Variants in ZNF385C observed in about 807,000 individuals in gnomAD.
ZNF385C encodes the protein CTD-2132N18.2.
Under a neutral mutation model 35.4 loss-of-function variants are expected in ZNF385C, and 28 were observed. That is an observed-to-expected ratio of 0.79 (90% confidence interval 0.59 to 1.08). The LOEUF (loss-of-function observed/expected upper bound fraction) is 1.08. Among genes scored for constraint, ZNF385C ranks in the 50% least tolerant of loss-of-function variants. ZNF385C has a pLI of 0.00. For missense variants in ZNF385C, 605 were observed against 595.6 expected (o/e 1.02, Z -0.16); for synonymous variants, 248 against 248.2 (o/e 1.00, Z 0.01).
chr17:42,090,218 G>A (rs985046995), intron 1 of ZNF385C, among the ~76,000 whole-genome samples: 40 of 148,672 alleles, frequency 2.7e-4, no homozygotes, highest in African/African-American at 9.0e-4. Context: ...TCTGAAAGAC[G>A]CCTTCCTGCA....
At chr17:42,076,848 A>G (rs2053691702) in intron 1 of ZNF385C, among the ~76,000 whole-genome samples, 1 of 152,162 alleles carries the variant, frequency 6.6e-6, no homozygotes, top group South Asian at 2.1e-4. Context: ...AGAACAAATG[A>G]AAAAGCTCTT....
intron 2 of ZNF385C, among the ~76,000 whole-genome samples, chr17:42,056,923 C>T (rs2143807278): frequency 6.6e-6 from 1 of 152,214 alleles, no homozygotes; most frequent in East Asian, 1.9e-4. Flanking sequence ...ATGTCTTTAT[C>T]AGCAGCATGA....
rs536895045 is a variant in ZNF385C, at chr17:42,054,824, C to A, written c.250+7983G>T. Among the ~76,000 whole-genome samples the A allele has an allele frequency of 1.3e-4, 20 of 152,174 alleles. No individual in the cohort carries two copies. In the East Asian group the frequency reaches 3.9e-3, roughly 29 times the overall value. On this transcript the variant is annotated intron_variant, in intron 2 of 8. Transcript: ENST00000692273. ...CTCGAACTCCTGACCTCAAATGATC[C>A]ACCTGCCTTGGCCTCCCAAAGTGTT...
At chr17:42,091,631 G>T (rs1445767421) in intron 1 of ZNF385C, among the ~76,000 whole-genome samples, 1 of 152,116 alleles carries the variant, frequency 6.6e-6, no homozygotes, top group Non-Finnish European at 1.5e-5. Flanking sequence ...GAAACTTCCT[G>T]ATCCCCCCTC....
At chr17:42,064,652 T>A (rs372597997) in intron 1 of ZNF385C, among the ~76,000 whole-genome samples, 1 of 151,036 alleles carries the variant, frequency 6.6e-6, no homozygotes, top group African/African-American at 2.4e-5. Context: ...CTCCACCTCC[T>A]GGGTTCAAGT....
At chr17:42,089,787 G>C (rs1459434014) in intron 1 of ZNF385C, among the ~76,000 whole-genome samples, 1 of 152,100 alleles carries the variant, frequency 6.6e-6, no homozygotes, top group Non-Finnish European at 1.5e-5. Context: ...GTACGGAATC[G>C]ATGCCGATGA....
At chr17:42,035,950 A>G (rs2052847421) in intron 3 of ZNF385C, among the ~76,000 whole-genome samples, 1 of 151,992 alleles carries the variant, frequency 6.6e-6, no homozygotes, top group African/African-American at 2.4e-5. Context: ...AGGTTCCCCA[A>G]GGAGTAGGAT....
chr17:42,028,275 C>A, intron 6 of ZNF385C, 29 bp from the exon 7 acceptor site: 1 of 1,513,644 alleles, frequency 6.6e-7, no homozygotes, highest in Non-Finnish European at 8.8e-7. Context: ...AGTCTCTCAG[C>A]AGCAGGAAGG....
intron 1 of ZNF385C, among the ~76,000 whole-genome samples, chr17:42,072,849 C>T (rs1555658984): frequency 6.6e-6 from 1 of 152,154 alleles, no homozygotes; most frequent in East Asian, 1.9e-4. Flanking sequence ...GGGTGAGTAT[C>T]CCGCCTACCC....
intron 1 of ZNF385C, among the ~76,000 whole-genome samples, chr17:42,079,464 G>A (rs2053724651): frequency 6.7e-6 from 1 of 149,850 alleles, no homozygotes; most frequent in Admixed American, 6.7e-5. Context: ...TGAGGCAGGA[G>A]GATCACTTGA....
In ZNF385C at chr17:42,029,048, A is replaced by C; in HGVS notation, c.702T>G (p.Pro234=). 1 of 1,549,760 alleles carries C rather than the reference A, an allele frequency of 6.5e-7. No homozygotes were observed. The highest frequency in any genetic ancestry group is 8.7e-7 in the Non-Finnish European group (1 of 1,146,740). ...SKVPAAPPLG[P]PLQPPPTPDP... ...CTGGAGTTGGTGGTGGCTGGAGTGGAGGCCCAAGAGGAGGGGCTGCAGGAA... is the reference window on the plus strand; with the variant it reads ...CTGGAGTTGGTGGTGGCTGGAGTGGCGGCCCAAGAGGAGGGGCTGCAGGAA... The change falls in exon 6 of 9, where the codon CCT becomes CCG. Residue 234 remains proline, a synonymous_variant. Transcript: ENST00000692273.
At chr17:42,041,165 T>G (rs2053010327) in intron 2 of ZNF385C, 1 of 1,232,238 alleles carries the variant, frequency 8.1e-7, no homozygotes, top group Admixed American at 4.2e-5. Flanking sequence ...CAGGCCTCTG[T>G]GTGCAAGACA....
At chr17:42,057,112 G>A (rs1421347999) in intron 2 of ZNF385C, among the ~76,000 whole-genome samples, 1 of 152,102 alleles carries the variant, frequency 6.6e-6, no homozygotes, top group Non-Finnish European at 1.5e-5. Flanking sequence ...TCCAGCCTGG[G>A]CAACAGAACA....
chr17:42,039,572 G>T, intron 2 of ZNF385C: 1 of 820,254 alleles, frequency 1.2e-6, no homozygotes, highest in Non-Finnish European at 1.6e-6. Context: ...CTCCAGAAGG[G>T]CGGGTGGATG....
At chr17:42,045,887 T>A (rs1182218033) in intron 2 of ZNF385C, among the ~76,000 whole-genome samples, 1 of 152,190 alleles carries the variant, frequency 6.6e-6, no homozygotes, top group Non-Finnish European at 1.5e-5. Context: ...CCCCAGCCTC[T>A]GAATACTTCT....
rs1954759625 is a variant in ZNF385C at position 42,026,254 on chromosome 17, C to T, written c.*643G>A. The T allele has an allele frequency of 6.5e-6, 1 of 153,220 alleles. No individual in the cohort carries two copies. The highest frequency in any genetic ancestry group is 6.5e-5 in the Admixed American group (1 of 15,422). The allele number at this position is 153,220 out of a possible 1,614,324, so 9.5% of individuals were successfully genotyped here. A position where few individuals can be genotyped will look rare whatever the true frequency, so the allele number is the denominator to read the frequency against. On this transcript the variant is annotated 3_prime_UTR_variant, in exon 9 of 9. Transcript: ENST00000692273. Reference sequence around the variant, plus strand: ...AGAAGACTTAAGATTAAAACAAAACCCTGGGCCCAACCAGAACATCACCTC... The same window carrying T: ...AGAAGACTTAAGATTAAAACAAAACTCTGGGCCCAACCAGAACATCACCTC...
chr17:42,070,116 G>A (rs1206881108), intron 1 of ZNF385C, among the ~76,000 whole-genome samples: 3 of 152,034 alleles, frequency 2.0e-5, no homozygotes, highest in Admixed American at 1.3e-4. Flanking sequence ...AGGCCGAGGC[G>A]GGCGGATCAT....
At chr17:42,030,617 C>T (rs2052705176) in intron 5 of ZNF385C, among the ~76,000 whole-genome samples, 3 of 152,174 alleles carry the variant, frequency 2.0e-5, no homozygotes, top group Admixed American at 1.3e-4. Flanking sequence ...ATCGTATTTA[C>T]CATCAGAGGG....
chr17:42,032,198 C>A (rs1322228561), intron 4 of ZNF385C, among the ~76,000 whole-genome samples: 3 of 152,032 alleles, frequency 2.0e-5, no homozygotes, highest in Non-Finnish European at 2.9e-5. Flanking sequence ...GTAGCTGGGA[C>A]TACAGGCGCC....
Sources: gnomAD v4.1 joint callset for allele counts (sites outside exome capture counted in the v4.1 genomes callset) on GRCh38, gnomAD v4.1.1 for gene constraint, MANE v1.5 for transcripts, NCBI Gene and HGNC (gene_info 2026-07-23, HGNC 2026-07-21) for gene names.